SPATA16: variants seen among roughly 807,000 people sequenced by gnomAD.
SPATA16 encodes spermatogenesis-associated protein 16.
Under a neutral mutation model 63.3 loss-of-function variants are expected in SPATA16, and 36 were observed. The observed-to-expected ratio is 0.57, with a 90% CI of 0.44 to 0.75. The LOEUF is 0.75. Among genes scored for constraint, SPATA16 ranks in the 30% least tolerant of loss-of-function variants. The pLI is 0.00. For missense variants in SPATA16, 646 were observed against 679.3 expected (o/e 0.95, Z 0.54); for synonymous variants, 203 against 216.7 (o/e 0.94, Z 0.56).
At chr3:173,069,346 A>T (rs895067039) in intron 2 of SPATA16, among the ~76,000 whole-genome samples, 9 of 151,808 alleles carry the variant, frequency 5.9e-5, no homozygotes, top group Non-Finnish European at 1.0e-4. Flanking sequence ...ATTAGAGACT[A>T]TATGAGCAAC....
At chr3:173,064,301 C>T (rs1225795194) in intron 2 of SPATA16, among the ~76,000 whole-genome samples, 1 of 137,430 alleles carries the variant, frequency 7.3e-6, no homozygotes, top group Non-Finnish European at 1.5e-5. Flanking sequence ...GAGCGAAACT[C>T]CATCACACAC....
intron 3 of SPATA16, among the ~76,000 whole-genome samples, chr3:173,039,309 A>G (rs1388591569): frequency 1.3e-5 from 2 of 152,172 alleles, no homozygotes; most frequent in African/African-American, 4.8e-5. Flanking sequence ...TTAAAATAAT[A>G]TGAATAAACC....
At chr3:173,101,780 G>A (rs899325737) in intron 2 of SPATA16, among the ~76,000 whole-genome samples, 3 of 151,972 alleles carry the variant, frequency 2.0e-5, no homozygotes, top group African/African-American at 7.3e-5. Flanking sequence ...TATTACTCCT[G>A]GACCAAACCT....
chr3:173,111,981 A>T (rs190105641), intron 2 of SPATA16, among the ~76,000 whole-genome samples: 1 of 152,328 alleles, frequency 6.6e-6, no homozygotes, highest in East Asian at 1.9e-4. Context: ...CTTCATTTTG[A>T]GAGTATGACC....
chr3:172,997,085 C>CTA (rs1381467594), intron 4 of SPATA16, among the ~76,000 whole-genome samples: 1 of 152,154 alleles, frequency 6.6e-6, no homozygotes, highest in East Asian at 1.9e-4. Context: ...AACAAAGCTG[C>CTA]TATAAATATC....
At chr3:172,983,895 A>C (rs1300142785) in intron 4 of SPATA16, among the ~76,000 whole-genome samples, 2 of 152,130 alleles carry the variant, frequency 1.3e-5, no homozygotes, top group African/African-American at 2.4e-5. Context: ...ACAATTCTTA[A>C]CAGGCTGTTT....
chr3:173,019,284 T>C (rs1735262680), intron 4 of SPATA16, among the ~76,000 whole-genome samples: 1 of 152,168 alleles, frequency 6.6e-6, no homozygotes, highest in Non-Finnish European at 1.5e-5. Flanking sequence ...GTTTGAATTT[T>C]GTTAAGAGCT....
intron 3 of SPATA16, among the ~76,000 whole-genome samples, chr3:173,025,732 C>T (rs1270654133): frequency 2.0e-5 from 3 of 151,916 alleles, no homozygotes; most frequent in Non-Finnish European, 2.9e-5. Context: ...CGTACGGCTT[C>T]TTTCACTTAG....
chr3:172,906,923 T>C (rs1732253671), intron 10 of SPATA16, among the ~76,000 whole-genome samples: 1 of 152,184 alleles, frequency 6.6e-6, no homozygotes, highest in African/African-American at 2.4e-5. Flanking sequence ...TTTTGTATCT[T>C]TAGTAGAGAT....
chr3:172,924,406 C>CA, intron 7 of SPATA16, 89 bp from the exon 8 acceptor site: 1 of 984,352 alleles, frequency 1.0e-6, no homozygotes, highest in Non-Finnish European at 1.6e-6. Flanking sequence ...ACGAATATCT[C>CA]AATATTAATA....
chr3:173,087,707 A>G (rs1737093856), intron 2 of SPATA16, among the ~76,000 whole-genome samples: 1 of 152,092 alleles, frequency 6.6e-6, no homozygotes, highest in Non-Finnish European at 1.5e-5. Flanking sequence ...AGCTCTTGCA[A>G]GGGAGGCCTG....
chr3:173,014,225 A>G (rs1013943489), intron 4 of SPATA16, among the ~76,000 whole-genome samples: 1 of 152,232 alleles, frequency 6.6e-6, no homozygotes, highest in African/African-American at 2.4e-5. Context: ...AATGTGGTAC[A>G]TATACATCAT....
chr3:172,893,908 C>T (rs1399525112), intron 10 of SPATA16, among the ~76,000 whole-genome samples: 4 of 152,124 alleles, frequency 2.6e-5, no homozygotes, highest in African/African-American at 4.8e-5. Context: ...GGTTTGCTTG[C>T]GCATGTTCAT....
chr3:173,012,728 C>G (rs533795007), intron 4 of SPATA16, among the ~76,000 whole-genome samples: 1 of 152,292 alleles, frequency 6.6e-6, no homozygotes, highest in Non-Finnish European at 1.5e-5. Context: ...TAGCCATATG[C>G]AGAAGAATGA....
At chr3:172,908,367 A>T (rs961497627) in intron 10 of SPATA16, among the ~76,000 whole-genome samples, 5 of 152,242 alleles carry the variant, frequency 3.3e-5, no homozygotes, top group Non-Finnish European at 5.9e-5. Flanking sequence ...CTAAACCTAC[A>T]GACATCTATC....
intron 4 of SPATA16, among the ~76,000 whole-genome samples, chr3:172,979,358 T>G (rs1734245787): frequency 6.6e-6 from 1 of 152,218 alleles, no homozygotes; most frequent in African/African-American, 2.4e-5. Context: ...CTAATATTAC[T>G]GAGCAGAGTC....
intron 4 of SPATA16, among the ~76,000 whole-genome samples, chr3:172,983,198 T>A (rs552777638): frequency 6.6e-6 from 1 of 152,324 alleles, no homozygotes; most frequent in African/African-American, 2.4e-5. Flanking sequence ...CTCTCCAGTG[T>A]TAATGCAACC....
chr3:173,131,656 C>T (rs1042942965), intron 1 of SPATA16, among the ~76,000 whole-genome samples: 6 of 152,050 alleles, frequency 3.9e-5, no homozygotes, highest in Admixed American at 1.3e-4. Flanking sequence ...AAAATTTTTG[C>T]GGTCTTACGA....
chr3:172,972,564 G>A (rs1734071479), intron 5 of SPATA16, among the ~76,000 whole-genome samples: 1 of 152,152 alleles, frequency 6.6e-6, no homozygotes, highest in Non-Finnish European at 1.5e-5. Context: ...TTGATGGTGA[G>A]AAATTCCAGG....
Sources: gnomAD v4.1 joint callset for allele counts (sites outside exome capture counted in the v4.1 genomes callset) on GRCh38, gnomAD v4.1.1 for gene constraint, MANE v1.5 for transcripts, NCBI Gene and HGNC (gene_info 2026-07-23, HGNC 2026-07-21) for gene names.